The following VOPP1 variants were observed in gnomAD, a reference collection of about 807,000 sequenced individuals.
VOPP1 encodes the protein WW domain binding protein VOPP1.
In VOPP1, 8 loss-of-function variants were observed where a neutral mutation model predicts 23.5. The observed-to-expected ratio is 0.34, with a 90% CI of 0.20 to 0.61. The LOEUF is 0.61. Among genes scored for constraint, VOPP1 ranks in the 20% least tolerant of loss-of-function variants. The pLI is 0.78. For missense variants in VOPP1, 174 were observed against 238.1 expected, an observed-to-expected ratio of 0.73 and a Z score of 1.77; for synonymous variants, 83 against 97.3, an observed-to-expected ratio of 0.85 and a Z score of 0.86.
chr7:55,469,619 CCTTT>C (rs958145646), downstream of VOPP1, among the ~76,000 whole-genome samples: 4 of 152,160 alleles, frequency 2.6e-5, no homozygotes, highest in African/African-American at 9.7e-5. Flanking sequence ...GCACTGCTGC[CCTTT>C]CTTTGTTCTG....
At chr7:55,570,374 T>A (rs988313339) in intron 1 of VOPP1, among the ~76,000 whole-genome samples, 1 of 152,194 alleles carries the variant, frequency 6.6e-6, no homozygotes, top group Non-Finnish European at 1.5e-5. Flanking sequence ...CATCTAATAT[T>A]TGACTGTGAA....
chr7:55,487,538 G>C (rs1181444929), intron 4 of VOPP1, among the ~76,000 whole-genome samples: 1 of 152,160 alleles, frequency 6.6e-6, no homozygotes, highest in Non-Finnish European at 1.5e-5. Flanking sequence ...GTACACTACA[G>C]TCTTGAGCTC....
intron 4 of VOPP1, among the ~76,000 whole-genome samples, chr7:55,455,342 T>C (rs1270850326): frequency 1.3e-5 from 2 of 152,178 alleles, no homozygotes; most frequent in African/African-American, 2.4e-5. Context: ...TGCTCATGGA[T>C]AGGAAGAATA....
downstream of VOPP1, among the ~76,000 whole-genome samples, chr7:55,468,271 G>GAAAAAAA (rs747918983): frequency 1.8e-5 from 1 of 54,228 alleles, no homozygotes; most frequent in Non-Finnish European, 4.0e-5. Context: ...CTTCGTCTCA[G>GAAAAAAA]AAAAAAAAAA....
At chr7:55,467,394 G>A (rs1791660080), downstream of VOPP1, among the ~76,000 whole-genome samples, 1 of 152,174 alleles carries the variant, frequency 6.6e-6, no homozygotes, top group Non-Finnish European at 1.5e-5. Flanking sequence ...AATCTCCCCG[G>A]TCCCTACCAC....
Position 55,542,579 on chromosome 7 carries a change from C to G in VOPP1, c.55-21449G>C, listed in dbSNP as rs1584086243. The stretch of plus-strand genomic sequence containing the variant: ...CCGAGGCGGGCAGATCACTTGAGGT[C>G]AGGAGTTCAAGACCAGCCTGGCCAA... On this transcript the variant is annotated intron_variant, in intron 1 of 4. Transcript: ENST00000285279. Among the ~76,000 whole-genome samples the G allele has an allele frequency of 2.0e-5, 3 of 152,154 alleles. No individual in the cohort carries two copies. In the East Asian group the frequency reaches 5.8e-4, roughly 29 times the overall value.
intron 2 of VOPP1, among the ~76,000 whole-genome samples, chr7:55,498,205 C>T (rs1446185573): frequency 2.0e-5 from 3 of 152,358 alleles, no homozygotes; most frequent in East Asian, 1.9e-4. Context: ...GGACTTCTGG[C>T]GAGTCTCAGT....
At chr7:55,436,667 CGTGCGT>C (rs1395620436) in intron 4 of VOPP1, among the ~76,000 whole-genome samples, 1 of 148,912 alleles carries the variant, frequency 6.7e-6, no homozygotes, top group East Asian at 1.9e-4. Context: ...TGCGTGTGTG[CGTGCGT>C]GTGCGTGTGT....
chr7:55,468,615 GAGGATGGGCCCAGCAGGTGGCCC>G (rs1791695733), downstream of VOPP1, among the ~76,000 whole-genome samples: 1 of 152,244 alleles, frequency 6.6e-6, no homozygotes, highest in South Asian at 2.1e-4. Flanking sequence ...GGATGGGCTA[GAGGATGGGCCCAGCAGGTGGCCC>G]AGGATGGAAC....
chr7:55,495,051 A>G (rs938225260), intron 3 of VOPP1, among the ~76,000 whole-genome samples: 2 of 149,506 alleles, frequency 1.3e-5, no homozygotes, highest in Non-Finnish European at 3.0e-5. Context: ...CCTCCCCCCG[A>G]CCCCCCAGCC....
downstream of VOPP1, chr7:55,470,600 C>A (rs1343049904): frequency 6.6e-6 from 1 of 152,224 alleles, no homozygotes; most frequent in Admixed American, 6.5e-5. Context: ...CCCAACAAAA[C>A]AATCAAAGCA....
At chr7:55,449,859 C>T (rs917107824) in intron 4 of VOPP1, among the ~76,000 whole-genome samples, 1 of 152,188 alleles carries the variant, frequency 6.6e-6, no homozygotes, top group Non-Finnish European at 1.5e-5. Context: ...TACTTCTGGG[C>T]ATCAGGGATG....
chr7:55,545,665 G>A (rs1200146307), intron 1 of VOPP1, among the ~76,000 whole-genome samples: 3 of 152,128 alleles, frequency 2.0e-5, no homozygotes, highest in African/African-American at 7.2e-5. Flanking sequence ...GACTCAAGAG[G>A]GATCCACTGA....
chr7:55,520,632 G>A (rs1206840205), intron 2 of VOPP1, among the ~76,000 whole-genome samples: 2 of 152,228 alleles, frequency 1.3e-5, no homozygotes, highest in Non-Finnish European at 2.9e-5. Context: ...AGAGACAGGC[G>A]ATCATTGTGA....
At chr7:55,506,465 A>T (rs1794731009) in intron 2 of VOPP1, among the ~76,000 whole-genome samples, 1 of 152,178 alleles carries the variant, frequency 6.6e-6, no homozygotes, top group Non-Finnish European at 1.5e-5. Flanking sequence ...CCTCTCGAGA[A>T]GCTGGGATTA....
At chr7:55,504,457 G>C (rs1794578466) in intron 2 of VOPP1, among the ~76,000 whole-genome samples, 1 of 152,248 alleles carries the variant, frequency 6.6e-6, no homozygotes, top group Non-Finnish European at 1.5e-5. Flanking sequence ...GGGGAGCAGA[G>C]GAAGACTCGG....
chr7:55,448,687 G>C (rs1791163480), intron 4 of VOPP1, among the ~76,000 whole-genome samples: 1 of 152,200 alleles, frequency 6.6e-6, no homozygotes, highest in Non-Finnish European at 1.5e-5. Flanking sequence ...GCCTGGCAGC[G>C]CTGCAGGACC....
chr7:55,502,884 C>A (rs1794465010), intron 2 of VOPP1, among the ~76,000 whole-genome samples: 1 of 152,134 alleles, frequency 6.6e-6, no homozygotes, highest in African/African-American at 2.4e-5. Context: ...TCTCTGTGTG[C>A]CAGATGTATA....
At chr7:55,541,305 T>C (rs1468605554) in intron 1 of VOPP1, among the ~76,000 whole-genome samples, 4 of 152,218 alleles carry the variant, frequency 2.6e-5, no homozygotes, top group African/African-American at 9.7e-5. Flanking sequence ...GGCAAAGGAT[T>C]TGGATACACA....
Sources: gnomAD v4.1 joint callset for allele counts (sites outside exome capture counted in the v4.1 genomes callset) on GRCh38, gnomAD v4.1.1 for gene constraint, MANE v1.5 for transcripts, NCBI Gene and HGNC (gene_info 2026-07-23, HGNC 2026-07-21) for gene names.